The following PAPSS2 variants were observed in gnomAD, a reference collection of about 807,000 sequenced individuals.
The protein encoded by PAPSS2 is bifunctional 3'-phosphoadenosine 5'-phosphosulfate synthase 2.
A neutral mutation model predicts 66.5 loss-of-function variants in PAPSS2; 61 were observed. That is an observed-to-expected ratio of 0.92 (90% CI 0.75 to 1.14). The LOEUF (loss-of-function observed/expected upper bound fraction) is 1.14. Ranked by LOEUF, PAPSS2 falls within the 50% of genes most tolerant of loss-of-function variation. PAPSS2 has a pLI of 0.00. For missense variants in PAPSS2, 708 were observed against 789.6 expected (o/e 0.90, Z 1.24); for synonymous variants, 289 against 287.5 (o/e 1.01, Z -0.05).
chr10:87,660,550 T>G lies in PAPSS2; in HGVS notation c.27+542T>G, dbSNP rs899000559. The stretch of plus-strand genomic sequence containing the variant: ...CGGGATTTAGCCCTCTAGCTTGATT[T>G]CGGCATTGGGTGGCATCTCGAGTTC... On this transcript the variant is annotated intron_variant, in intron 1 of 12. Coordinates refer to ENST00000456849, the MANE Select transcript of PAPSS2 (RefSeq NM_001015880.2). 2.1e-5 allele frequency: 4 copies of G among 187,358 alleles called. No individual in the cohort carries two copies. The South Asian group carries it at 4.4e-4, about 21-fold the overall frequency. The allele number at this position is 187,358 out of a possible 1,614,324, so 11.6% of individuals were successfully genotyped here. A position where few individuals can be genotyped will look rare whatever the true frequency, so the allele number is the denominator to read the frequency against.
At position 87,745,207 on chromosome 10, in the gene PAPSS2, C is replaced by T. The variant is rs1853922414; in HGVS notation, c.1697C>T (p.Ala566Val). 2.5e-6 allele frequency: 4 copies of T among 1,613,352 alleles called. No homozygotes were observed. Among genetic ancestry groups the T allele is most frequent in the Non-Finnish European group, 3.4e-6 (4 of 1,179,578 alleles). ...GCTGCCTACAACAAAGCCAAAAAAGCCATGGACTTCTATGATCCAGCAAGG... is the reference window on the plus strand; with the variant it reads ...GCTGCCTACAACAAAGCCAAAAAAGTCATGGACTTCTATGATCCAGCAAGG... ...RVAAYNKAKK[A>V]MDFYDPARHN... is the part of the protein sequence containing the mutation. Residue 566 changes from alanine (A) to valine (V), a missense_variant, in exon 12 of 13, where the codon GCC becomes GTC. Transcript: ENST00000456849.
chr10:87,700,723 A>G (rs1411672546), intron 1 of PAPSS2, among the ~76,000 whole-genome samples: 3 of 152,036 alleles, frequency 2.0e-5, no homozygotes, highest in African/African-American at 4.8e-5. Context: ...CGTTAGAAAA[A>G]CAACTATCAG....
intron 1 of PAPSS2, chr10:87,660,298 T>A: frequency 3.5e-6 from 2 of 578,890 alleles, no homozygotes; most frequent in Non-Finnish European, 3.1e-6. Context: ...CGGATCTAGA[T>A]CCAGGACCAG....
intron 1 of PAPSS2, among the ~76,000 whole-genome samples, chr10:87,704,697 A>G (rs933026495): frequency 6.6e-6 from 1 of 152,202 alleles, no homozygotes; most frequent in Non-Finnish European, 1.5e-5. Flanking sequence ...GATGGAGTGC[A>G]GTCACACAGT....
chr10:87,664,799 C>G (rs1852795716), intron 1 of PAPSS2, among the ~76,000 whole-genome samples: 3 of 152,146 alleles, frequency 2.0e-5, no homozygotes, highest in African/African-American at 7.2e-5. Context: ...AATGCAGAAA[C>G]TAAAGGTAAA....
chr10:87,665,312 C>T (rs951102883), intron 1 of PAPSS2, among the ~76,000 whole-genome samples: 8 of 151,942 alleles, frequency 5.3e-5, no homozygotes, highest in African/African-American at 1.5e-4. Context: ...TCCGGGTTCA[C>T]GCCATTCTTC....
At chr10:87,670,520 G>C (rs1453444934) in intron 1 of PAPSS2, among the ~76,000 whole-genome samples, 1 of 152,040 alleles carries the variant, frequency 6.6e-6, no homozygotes, top group Admixed American at 6.6e-5. Context: ...TTCAGCGATA[G>C]GTACTAGGAA....
Position 87,714,764 on chromosome 10 carries a change from T to A in PAPSS2, c.540T>A (p.Ser180=), listed in dbSNP as rs1293851710. Residue 180 remains serine (S), a synonymous_variant, in exon 5 of 13, where the codon TCT becomes TCA. Transcript: ENST00000456849. ...GEIKGFTGID[S]DYEKPETPER... is the part of the protein sequence containing the mutation. ...TTGCAGGATTTACAGGTATTGATTC[T>A]GATTATGAGAAACCTGAAACTCCTG... 6.2e-7 allele frequency: 1 copy of A among 1,606,206 alleles called. No homozygotes were observed. Among genetic ancestry groups the A allele is most frequent in the Non-Finnish European group, 8.5e-7 (1 of 1,172,850 alleles).
chr10:87,683,094 C>CTTT (rs34190865), intron 1 of PAPSS2, among the ~76,000 whole-genome samples: 2 of 130,524 alleles, frequency 1.5e-5, no homozygotes, highest in African/African-American at 2.9e-5. Context: ...TTTCTTTTTT[C>CTTT]TTTTTTTTTT....
chr10:87,699,382 G>T (rs996785039), intron 1 of PAPSS2, among the ~76,000 whole-genome samples: 1 of 152,190 alleles, frequency 6.6e-6, no homozygotes. Context: ...TCCTGGGCTC[G>T]AGGGGTCCTT....
intron 1 of PAPSS2, among the ~76,000 whole-genome samples, chr10:87,680,992 T>G (rs11202503): frequency 0.4 from 60,328 of 151,986 alleles, 12,650 homozygotes; most frequent in Non-Finnish European, 0.48. Flanking sequence ...TAAATATGTG[T>G]TTCTCAACTG....
In PAPSS2 at chr10:87,705,740, AT is replaced by A. The variant is rs564230347; in HGVS notation, c.28-3445del. 8.7e-4 allele frequency among the ~76,000 whole-genome samples: 120 copies of A among 138,668 alleles called. No homozygotes were observed. In the South Asian group the frequency reaches 0.01, roughly 12 times the overall value. The allele number at this position is 138,668 out of a possible 152,430, so 91.0% of individuals were successfully genotyped here. A position where few individuals can be genotyped will look rare whatever the true frequency, so the allele number is the denominator to read the frequency against. On this transcript the variant is annotated intron_variant, in intron 1 of 12. Coordinates refer to ENST00000456849, the MANE Select transcript of PAPSS2 (RefSeq NM_001015880.2). ...ATTGGGTTTTCTTTCTTTTTTCCTTATTTTTTTTTTTGAGATGGAGTCTCGC... is the reference window on the plus strand; with the variant it reads ...ATTGGGTTTTCTTTCTTTTTTCCTTATTTTTTTTTTGAGATGGAGTCTCGC...
rs373803774 is a variant in PAPSS2 at position 87,715,815 on chromosome 10, G to A, written c.837G>A (p.Gln279=). Reference sequence around the variant, plus strand: ...TCATGCGGGAGAAGGAGTACTTACAGGTTATGCACTTTGACACCCTGCTAG... The same window carrying A: ...TCATGCGGGAGAAGGAGTACTTACAAGTTATGCACTTTGACACCCTGCTAG... ...KGFMREKEYL[Q]VMHFDTLLDG... The change falls in exon 7 of 13, where the codon CAG becomes CAA. Residue 279 remains glutamine (Q), a synonymous_variant. Transcript: ENST00000456849. The A allele has an allele frequency of 9.9e-6, 16 of 1,610,268 alleles. No individual in the cohort carries two copies. Among genetic ancestry groups the A allele is most frequent in the Non-Finnish European group, 1.4e-5 (16 of 1,176,700 alleles).
At chr10:87,677,196 A>C (rs1459960366) in intron 1 of PAPSS2, among the ~76,000 whole-genome samples, 1 of 152,194 alleles carries the variant, frequency 6.6e-6, no homozygotes, top group Non-Finnish European at 1.5e-5. Flanking sequence ...TCCATCTCAA[A>C]AAATAAGATA....
chr10:87,735,065 C>A (rs1216436638), intron 9 of PAPSS2, among the ~76,000 whole-genome samples: 1 of 152,194 alleles, frequency 6.6e-6, no homozygotes, highest in Admixed American at 6.5e-5. Context: ...TGCTACTTCA[C>A]TGGGCTCCTG....
At chr10:87,745,420 T>G (rs1853925715) in intron 12 of PAPSS2, among the ~76,000 whole-genome samples, 189 bp downstream of exon 12, 1 of 152,206 alleles carries the variant, frequency 6.6e-6, no homozygotes, top group Admixed American at 6.5e-5. Context: ...CTTCTGCATA[T>G]AGTAGATGGT....
Position 87,713,196 on chromosome 10 carries a change from C to A in PAPSS2, c.267C>A (p.Leu89=). Residue 89 remains leucine (L), a synonymous_variant, in exon 3 of 13, where the codon CTC becomes CTA. Transcript: ENST00000456849. The part of the protein sequence containing the change: ...DNVRHGLNRN[L]GFSPGDREEN... ...TCCGTCATGGCCTTAACAGAAATCT[C>A]GGATTCTCTCCTGGGGACAGAGAGG... The A allele has an allele frequency of 6.2e-7, 1 of 1,610,838 alleles. No individual in the cohort carries two copies. The highest frequency in any genetic ancestry group is 8.5e-7 in the Non-Finnish European group (1 of 1,178,744).
intron 1 of PAPSS2, among the ~76,000 whole-genome samples, chr10:87,668,332 A>C (rs1852837906): frequency 6.6e-6 from 1 of 152,042 alleles, no homozygotes; most frequent in Non-Finnish European, 1.5e-5. Context: ...TGTTTACCTC[A>C]CTCACTCAAC....
rs144032275 is a variant in PAPSS2 at position 87,681,981 on chromosome 10, T to G, written c.27+21973T>G. Reference sequence around the variant, plus strand: ...TGGGTTGCTTACAGTTTGGGGCTATTATGAAGAATGGACATGAAGAATTTT... The same window carrying G: ...TGGGTTGCTTACAGTTTGGGGCTATGATGAAGAATGGACATGAAGAATTTT... On this transcript the variant is annotated intron_variant, in intron 1 of 12. Transcript: ENST00000456849. Among the ~76,000 whole-genome samples the G allele has an allele frequency of 2.0e-5, 3 of 152,326 alleles. No homozygotes were observed. The East Asian group carries it at 5.8e-4, about 29-fold the overall frequency.
Sources: gnomAD v4.1 joint callset for allele counts (sites outside exome capture counted in the v4.1 genomes callset) on GRCh38, gnomAD v4.1.1 for gene constraint, MANE v1.5 for transcripts, NCBI Gene and HGNC (gene_info 2026-07-23, HGNC 2026-07-21) for gene names.